The following NRXN1 variants were observed in gnomAD, a reference collection of about 807,000 sequenced individuals.
The protein encoded by NRXN1 is neurexin-1.
NRXN1 carries 39 observed loss-of-function variants against 150.9 expected under a neutral mutation model. That is an observed-to-expected ratio of 0.26 (90% confidence interval 0.20 to 0.34). The LOEUF is 0.34. NRXN1 is among the 10% of genes least tolerant of loss of function. The probability of loss-of-function intolerance (pLI) is 1.00; values close to 1 mark genes in which losing one functional copy is unlikely to be tolerated. For synonymous variants in NRXN1, 924 were observed against 757.0 expected, an observed-to-expected ratio of 1.22 and a Z score of -3.62; for missense variants, 1,815 against 1,949.9, an observed-to-expected ratio of 0.93 and a Z score of 1.30.
At chr2:50,662,821 A>G (rs991566) in intron 5 of NRXN1, among the ~76,000 whole-genome samples, 82,834 of 151,724 alleles carry the variant, frequency 0.55, 22,935 homozygotes, top group East Asian at 0.82. Context: ...TATAAGGAAT[A>G]AGATGAGGAC....
At chr2:50,236,614 C>T (rs182305403) in intron 18 of NRXN1, among the ~76,000 whole-genome samples, 175 bp downstream of exon 18, 44 of 150,770 alleles carry the variant, frequency 2.9e-4, no homozygotes, top group African/African-American at 1.0e-3. Flanking sequence ...GTAAAGAACG[C>T]GATTAACTAC....
intron 5 of NRXN1, among the ~76,000 whole-genome samples, chr2:50,821,419 C>T (rs1293930504): frequency 6.6e-6 from 1 of 152,168 alleles, no homozygotes; most frequent in Admixed American, 6.5e-5. Flanking sequence ...CACTTAGCAG[C>T]TGTGTGACAT....
At chr2:50,297,231 C>A (rs1247797387) in intron 17 of NRXN1, among the ~76,000 whole-genome samples, 3 of 152,032 alleles carry the variant, frequency 2.0e-5, no homozygotes, top group Non-Finnish European at 2.9e-5. Flanking sequence ...CTGTGGTGTA[C>A]ATGTACCATA....
At chr2:49,957,234 G>A (rs6713940) in intron 21 of NRXN1, among the ~76,000 whole-genome samples, 61,219 of 151,838 alleles carry the variant, frequency 0.4, 12,674 homozygotes, top group South Asian at 0.53. Context: ...GATTTCTTTC[G>A]ATGTAAAAGT....
chr2:50,176,611 T>C (rs539200449), intron 18 of NRXN1, among the ~76,000 whole-genome samples: 63 of 152,132 alleles, frequency 4.1e-4, no homozygotes, highest in Admixed American at 6.6e-4. Flanking sequence ...CATAACTCTA[T>C]TAGATGGATA....
intron 19 of NRXN1, among the ~76,000 whole-genome samples, chr2:50,065,427 T>C (rs1183472768): frequency 1.1e-4 from 17 of 152,170 alleles, no homozygotes; most frequent in Admixed American, 1.1e-3. Flanking sequence ...TTAATCCTTA[T>C]AGCACTCTTT....
chr2:50,560,546 C>T (rs963498306), intron 8 of NRXN1, among the ~76,000 whole-genome samples: 2 of 152,046 alleles, frequency 1.3e-5, no homozygotes, highest in African/African-American at 4.8e-5. Flanking sequence ...AATTCTCCTG[C>T]CTCAGCCTCT....
intron 5 of NRXN1, among the ~76,000 whole-genome samples, chr2:50,630,251 T>C (rs1186445793): frequency 1.3e-5 from 2 of 151,658 alleles, no homozygotes; most frequent in South Asian, 2.1e-4. Context: ...AACCACTTCA[T>C]TGGATGTTGT....
chr2:50,370,799 T>C (rs1450789036), intron 17 of NRXN1, among the ~76,000 whole-genome samples: 3 of 152,004 alleles, frequency 2.0e-5, no homozygotes, highest in Non-Finnish European at 2.9e-5. Context: ...TCAAAAGTGC[T>C]AATGAAGTCT....
intron 9 of NRXN1, among the ~76,000 whole-genome samples, chr2:50,540,859 G>A (rs2093373014): frequency 6.6e-6 from 1 of 152,048 alleles, no homozygotes; most frequent in Non-Finnish European, 1.5e-5. Context: ...ATGGAGTTTT[G>A]CAATGTTGGC....
In NRXN1 at chr2:50,962,987, T is replaced by C. The variant is rs577854086; in HGVS notation, c.773-37032A>G. On this transcript the variant is annotated intron_variant, in intron 2 of 22. Coordinates refer to ENST00000401669, the MANE Select transcript of NRXN1 (RefSeq NM_001330078.2). ...TTGTCTAGGGATTAAGGAATGTCTC[T>C]CTGAAGTAGGTTATAGGAATAGTTA... Among the ~76,000 whole-genome samples the C allele has an allele frequency of 2.5e-4, 38 of 151,770 alleles. No individual in the cohort carries two copies. The South Asian group carries it at 5.0e-3, about 20-fold the overall frequency.
chr2:50,316,831 A>G (rs2075648276), intron 17 of NRXN1, among the ~76,000 whole-genome samples: 1 of 152,010 alleles, frequency 6.6e-6, no homozygotes, highest in South Asian at 2.1e-4. Flanking sequence ...AAAAATGTCA[A>G]AATATCAATC....
intron 19 of NRXN1, among the ~76,000 whole-genome samples, chr2:50,089,713 C>T (rs1159906065): frequency 1.3e-5 from 2 of 151,666 alleles, no homozygotes; most frequent in African/African-American, 4.8e-5. Context: ...TCCTGTGAGC[C>T]CAGGAGTTTG....
intron 18 of NRXN1, among the ~76,000 whole-genome samples, chr2:50,109,812 C>T (rs928631117): frequency 2.6e-5 from 4 of 152,034 alleles, no homozygotes; most frequent in Non-Finnish European, 4.4e-5. Flanking sequence ...CAATCTTTCA[C>T]GTTTATTTGT....
At chr2:50,625,028 A>G (rs767640908) in intron 5 of NRXN1, 9 of 152,076 alleles carry the variant, frequency 5.9e-5, no homozygotes, top group East Asian at 1.9e-4. Flanking sequence ...CTATAAACAT[A>G]TAATTATAAA....
At chr2:50,803,443 T>A (rs1166877784) in intron 5 of NRXN1, among the ~76,000 whole-genome samples, 3 of 152,164 alleles carry the variant, frequency 2.0e-5, no homozygotes, top group African/African-American at 7.2e-5. Flanking sequence ...ACTCTCATAA[T>A]CTCTCTAGTA....
intron 17 of NRXN1, among the ~76,000 whole-genome samples, chr2:50,450,115 G>A (rs2086821775): frequency 6.6e-6 from 1 of 152,130 alleles, no homozygotes; most frequent in Non-Finnish European, 1.5e-5. Flanking sequence ...GTGCTCAAGG[G>A]ATGTGTCTTG....
intron 21 of NRXN1, among the ~76,000 whole-genome samples, chr2:50,011,217 C>G (rs140277505): frequency 6.6e-6 from 1 of 152,238 alleles, no homozygotes; most frequent in East Asian, 1.9e-4. Flanking sequence ...TCTCTGCAGT[C>G]ACTAAGCATA....
At chr2:50,650,275 T>C (rs1350590825) in intron 5 of NRXN1, among the ~76,000 whole-genome samples, 2 of 152,028 alleles carry the variant, frequency 1.3e-5, no homozygotes, top group Non-Finnish European at 2.9e-5. Flanking sequence ...TTTATATACA[T>C]GATAAAACAT....
Sources: gnomAD v4.1 joint callset for allele counts (sites outside exome capture counted in the v4.1 genomes callset) on GRCh38, gnomAD v4.1.1 for gene constraint, MANE v1.5 for transcripts, NCBI Gene and HGNC (gene_info 2026-07-23, HGNC 2026-07-21) for gene names.